TRPM3: variants seen among roughly 807,000 people sequenced by gnomAD.
The protein encoded by TRPM3 is transient receptor potential cation channel subfamily M member 3.
In TRPM3, 77 loss-of-function variants were observed where a neutral mutation model predicts 181.2. That is an observed-to-expected ratio of 0.42 (90% confidence interval 0.35 to 0.51). The LOEUF is 0.51. Among genes scored for constraint, TRPM3 ranks in the 20% least tolerant of loss-of-function variants. The probability of loss-of-function intolerance (pLI) is 0.01; values close to 1 mark genes in which losing one functional copy is unlikely to be tolerated. For missense variants in TRPM3, 1,759 were observed against 2,196.7 expected, an observed-to-expected ratio of 0.80 and a Z score of 3.98; for synonymous variants, 745 against 796.4, an observed-to-expected ratio of 0.94 and a Z score of 1.09.
intron 1 of TRPM3, among the ~76,000 whole-genome samples, chr9:71,269,995 C>G (rs1372851691): frequency 2.0e-5 from 3 of 152,154 alleles, no homozygotes; most frequent in East Asian, 1.9e-4. Context: ...CTAACTCATT[C>G]TTTCTGTTTA....
At chr9:70,928,322 C>T (rs920003439) in intron 1 of TRPM3, among the ~76,000 whole-genome samples, 1 of 152,136 alleles carries the variant, frequency 6.6e-6, no homozygotes, top group African/African-American at 2.4e-5. Flanking sequence ...AGACCATGTC[C>T]CGTAATTCCT....
chr9:70,560,207 C>G (rs1266952240), intron 22 of TRPM3, among the ~76,000 whole-genome samples: 2 of 152,154 alleles, frequency 1.3e-5, no homozygotes, highest in Non-Finnish European at 2.9e-5. Context: ...AATGCCTTAC[C>G]AAAGACCACA....
At chr9:70,806,025 C>A (rs544445882) in intron 6 of TRPM3, among the ~76,000 whole-genome samples, 2 of 152,308 alleles carry the variant, frequency 1.3e-5, no homozygotes, top group Non-Finnish European at 2.9e-5. Flanking sequence ...CCTGTTTTAG[C>A]ACAGGCACAC....
chr9:70,681,760 C>T (rs1294648332), intron 8 of TRPM3, among the ~76,000 whole-genome samples, 182 bp from the exon 9 acceptor site: 2 of 152,132 alleles, frequency 1.3e-5, no homozygotes, highest in Admixed American at 6.5e-5. Context: ...GAGGGAGATG[C>T]CTCAGTAGTT....
In TRPM3 at chr9:70,535,835, G is replaced by T. The variant is rs539213875; in HGVS notation, c.*118C>A. 2.1e-3 allele frequency: 3,165 copies of T among 1,506,364 alleles called. 7 individuals are homozygous for T. The highest frequency in any genetic ancestry group is 2.5e-3 in the Non-Finnish European group (2,884 of 1,134,208). The allele number at this position is 1,506,364 out of a possible 1,614,324, so 93.3% of individuals were successfully genotyped here. A position where few individuals can be genotyped will look rare whatever the true frequency, so the allele number is the denominator to read the frequency against. On this transcript the variant is annotated 3_prime_UTR_variant, in exon 26 of 26. Coordinates refer to ENST00000677713, the MANE Select transcript of TRPM3 (RefSeq NM_001366145.2). ...TTGAGTTAACACCTCCCAAAGCATTGCTTGTTTTGCTCAGCTAAGAATAAA... is the reference window on the plus strand; with the variant it reads ...TTGAGTTAACACCTCCCAAAGCATTTCTTGTTTTGCTCAGCTAAGAATAAA...
At chr9:70,589,997 T>G (rs2057848259) in intron 22 of TRPM3, among the ~76,000 whole-genome samples, 1 of 152,124 alleles carries the variant, frequency 6.6e-6, no homozygotes, top group South Asian at 2.1e-4. Context: ...CTATACTACC[T>G]GGTTATGCAA....
chr9:71,167,620 G>A (rs1405849858), intron 1 of TRPM3, among the ~76,000 whole-genome samples: 2 of 152,146 alleles, frequency 1.3e-5, no homozygotes, highest in Non-Finnish European at 2.9e-5. Flanking sequence ...CAAATTAGCA[G>A]CTTCCAGAAT....
chr9:70,998,228 T>TAC (rs34038564), intron 1 of TRPM3, among the ~76,000 whole-genome samples: 44,543 of 143,056 alleles, frequency 0.31, 7,281 homozygotes, highest in East Asian at 0.37. Flanking sequence ...TATATACATA[T>TAC]ACACACACAC....
At chr9:70,655,305 C>CAAAAAAAAAAAAAAAAAAA (rs1169901529) in intron 9 of TRPM3, among the ~76,000 whole-genome samples, 3 of 33,186 alleles carry the variant, frequency 9.0e-5, no homozygotes, top group African/African-American at 2.8e-4. Flanking sequence ...GACTCCGTCT[C>CAAAAAAAAAAAAAAAAAAA]AAAAAAAAAA....
At chr9:71,249,468 A>G (rs1383564200) in intron 1 of TRPM3, among the ~76,000 whole-genome samples, 1 of 152,178 alleles carries the variant, frequency 6.6e-6, no homozygotes, top group African/African-American at 2.4e-5. Flanking sequence ...TGGAATCATA[A>G]TATAGTTCAG....
At chr9:71,352,324 T>A (rs1167394070) in intron 1 of TRPM3, among the ~76,000 whole-genome samples, 2 of 152,240 alleles carry the variant, frequency 1.3e-5, no homozygotes, top group African/African-American at 4.8e-5. Context: ...ATTTCTCCCA[T>A]GAGTATTCTT....
At chr9:70,771,724 C>A (rs953210564) in intron 7 of TRPM3, among the ~76,000 whole-genome samples, 2 of 152,160 alleles carry the variant, frequency 1.3e-5, no homozygotes, top group African/African-American at 4.8e-5. Flanking sequence ...CTGGACTGTG[C>A]ATATAATCTC....
intron 1 of TRPM3, among the ~76,000 whole-genome samples, chr9:71,269,880 T>A (rs1229816166): frequency 6.6e-6 from 1 of 152,216 alleles, no homozygotes; most frequent in East Asian, 1.9e-4. Context: ...AATCCCTGGA[T>A]CACTTTTATT....
At position 70,536,215 on chromosome 9, in the gene TRPM3, C is replaced by T. The variant is rs774833294; in HGVS notation, c.4898G>A (p.Arg1633Lys). The T allele has an allele frequency of 6.2e-7, 1 of 1,614,132 alleles. No individual in the cohort carries two copies. The highest frequency in any genetic ancestry group is 8.5e-7 in the Non-Finnish European group (1 of 1,179,954). Residue 1633 changes from arginine (R) to lysine (K), a missense_variant, in exon 26 of 26, where the codon AGA becomes AAA. Arg to Lys is a conservative substitution (Grantham distance 26, BLOSUM62 2). Around this residue, in one of 8 missense-constraint regions of TRPM3, gnomAD observed 612 missense variants for 590.0 expected, o/e 1.04. Transcript: ENST00000677713. ...ISSQEGDNSE[R>K]TLSNNITVPK... ...AACAGTGATGTTGTTGGACAGGGTT[C>T]TCTCTGAGTTATCACCCTCCTGGGA...
chr9:71,276,557 A>G (rs2084229521), intron 1 of TRPM3, among the ~76,000 whole-genome samples: 1 of 152,244 alleles, frequency 6.6e-6, no homozygotes, highest in Non-Finnish European at 1.5e-5. Context: ...TAAGTAGATT[A>G]CAATGTGTTG....
At chr9:71,297,124 T>A (rs568532799) in intron 1 of TRPM3, among the ~76,000 whole-genome samples, 1 of 151,934 alleles carries the variant, frequency 6.6e-6, no homozygotes, top group East Asian at 1.9e-4. Flanking sequence ...CCCGAGTAGC[T>A]GGGACTACAG....
chr9:70,607,827 G>GTTAAC (rs1347826160), intron 19 of TRPM3, among the ~76,000 whole-genome samples: 5 of 152,138 alleles, frequency 3.3e-5, no homozygotes, highest in African/African-American at 1.2e-4. Flanking sequence ...TGGCCAACTG[G>GTTAAC]TTAACTTTTA....
At chr9:71,128,461 G>A (rs980485252) in intron 1 of TRPM3, among the ~76,000 whole-genome samples, 17 of 152,084 alleles carry the variant, frequency 1.1e-4, no homozygotes, top group Admixed American at 2.0e-4. Context: ...ATGAGTTCCC[G>A]GAGGCTTGTT....
chr9:70,898,256 G>A (rs1483495999), intron 1 of TRPM3, among the ~76,000 whole-genome samples: 1 of 149,886 alleles, frequency 6.7e-6, no homozygotes, highest in African/African-American at 2.4e-5. Context: ...CTGAGTAGCT[G>A]GGACTACAGG....
Sources: allele counts gnomAD v4.1 joint callset (sites outside exome capture counted in the v4.1 genomes callset), GRCh38; gene constraint gnomAD v4.1.1; regional missense constraint gnomAD v4.1.1; transcripts MANE v1.5; gene names NCBI Gene and HGNC (gene_info 2026-07-23, HGNC 2026-07-21).